The following FAM120A variants were observed in gnomAD, a reference collection of about 807,000 sequenced individuals.
The protein encoded by FAM120A is constitutive coactivator of PPAR-gamma-like protein 1.
In FAM120A, 15 loss-of-function variants were observed where a neutral mutation model predicts 109.7. The observed-to-expected ratio is 0.14, with a 90% CI of 0.09 to 0.21. The LOEUF (loss-of-function observed/expected upper bound fraction) is 0.21, where lower values mean the gene tolerates loss of function less well. FAM120A is among the 10% of genes least tolerant of loss of function. The pLI, the probability that FAM120A is intolerant of heterozygous loss-of-function variation, is 1.00. For missense variants in FAM120A, 899 were observed against 1,439.3 expected, an observed-to-expected ratio of 0.62 and a Z score of 6.07; for synonymous variants, 493 against 572.8, an observed-to-expected ratio of 0.86 and a Z score of 1.99.
intron 11 of FAM120A, among the ~76,000 whole-genome samples, chr9:93,544,260 C>T (rs1861805427): frequency 6.6e-6 from 1 of 152,200 alleles, no homozygotes; most frequent in African/African-American, 2.4e-5. Context: ...CTTTTTTGCC[C>T]TACAAGATGC....
chr9:93,475,159 T>G (rs1858495004), intron 2 of FAM120A, among the ~76,000 whole-genome samples: 1 of 152,214 alleles, frequency 6.6e-6, no homozygotes, highest in Non-Finnish European at 1.5e-5. Context: ...GAAAGTCATT[T>G]ATGTTTCATA....
At chr9:93,466,684 G>A (rs967603787) in intron 1 of FAM120A, among the ~76,000 whole-genome samples, 1 of 152,028 alleles carries the variant, frequency 6.6e-6, no homozygotes, top group African/African-American at 2.4e-5. Flanking sequence ...AAGGAGATCT[G>A]TGTGAACACC....
At chr9:93,525,590 T>C (rs1861042336) in intron 7 of FAM120A, among the ~76,000 whole-genome samples, 1 of 152,238 alleles carries the variant, frequency 6.6e-6, no homozygotes, top group African/African-American at 2.4e-5. Context: ...CAGGATTTAG[T>C]AATTTTTTGC....
chr9:93,461,732 G>A lies in FAM120A; in HGVS notation c.474+9343G>A, dbSNP rs574844600. ...GAAAAATCAAGCAGTTTTATAATTC[G>A]AACATCCCAAATCTGAAATGCTCCA... is the stretch of plus-strand genomic sequence containing the variant. On this transcript the variant is annotated intron_variant, in intron 1 of 17. Transcript: ENST00000277165. Among the ~76,000 whole-genome samples, 5 of 151,876 alleles carry A rather than the reference G, an allele frequency of 3.3e-5. No homozygotes were observed. In the East Asian group the frequency reaches 5.8e-4, roughly 18 times the overall value.
At chr9:93,524,108 TG>T (rs1308665554) in intron 7 of FAM120A, among the ~76,000 whole-genome samples, 4 of 152,258 alleles carry the variant, frequency 2.6e-5, no homozygotes, top group African/African-American at 9.6e-5. Flanking sequence ...CCTGTTGAGT[TG>T]GGGAGCAGAT....
At chr9:93,512,548 A>T (rs7860765) in intron 5 of FAM120A, among the ~76,000 whole-genome samples, 12 of 132,232 alleles carry the variant, frequency 9.1e-5, no homozygotes, top group Non-Finnish European at 1.2e-4. Context: ...TTTTTTTTTT[A>T]CCGAAAGCCC....
intron 5 of FAM120A, among the ~76,000 whole-genome samples, chr9:93,503,138 A>G (rs1237678305): frequency 6.6e-6 from 1 of 152,234 alleles, no homozygotes; most frequent in African/African-American, 2.4e-5. Context: ...ATGGGTAGCA[A>G]CAGATTGTGC....
chr9:93,544,628 T>C (rs147725965), intron 11 of FAM120A, among the ~76,000 whole-genome samples: 200 of 152,366 alleles, frequency 1.3e-3, no homozygotes, highest in African/African-American at 4.6e-3. Context: ...TAACAGTTGA[T>C]GGCATTTTAC....
intron 7 of FAM120A, among the ~76,000 whole-genome samples, chr9:93,523,103 A>G (rs904190524): frequency 1.3e-5 from 2 of 152,212 alleles, no homozygotes; most frequent in East Asian, 1.9e-4. Flanking sequence ...AGCTATCACT[A>G]CTTTTTAAAA....
intron 1 of FAM120A, among the ~76,000 whole-genome samples, chr9:93,459,430 A>C (rs1338263692): frequency 2.0e-5 from 3 of 152,086 alleles, no homozygotes; most frequent in African/African-American, 4.8e-5. Flanking sequence ...TTTAATCTTA[A>C]ATTTCTCATA....
At chr9:93,529,172 A>C (rs778375857) in intron 8 of FAM120A, among the ~76,000 whole-genome samples, 181 bp from the exon 9 acceptor site, 1 of 152,096 alleles carries the variant, frequency 6.6e-6, no homozygotes, top group Non-Finnish European at 1.5e-5. Flanking sequence ...CAAGGAGAGG[A>C]CTGGATCAGA....
In FAM120A at chr9:93,471,286, G is replaced by A. The variant is rs757664592; in HGVS notation, c.620G>A (p.Arg207Gln). 3.1e-6 allele frequency: 5 copies of A among 1,614,122 alleles called. No homozygotes were observed. Among genetic ancestry groups the A allele is most frequent in the Non-Finnish European group, 4.2e-6 (5 of 1,180,010 alleles). ...AGTGCCCATGCCCTAAAACTGAGCC[G>A]GAACGGGAAAAGTCTCACCACAAGC... ...YFSAHALKLS[R>Q]NGKSLTTSQY... is the part of the protein sequence containing the mutation. Residue 207 changes from arginine (R) to glutamine (Q), a missense_variant, in exon 2 of 18, where the codon CGG (arginine) becomes CAG (glutamine). Around this residue, in one of 11 missense-constraint regions of FAM120A, gnomAD observed 258 missense variants for 451.4 expected, o/e 0.57. Coordinates refer to ENST00000277165, the MANE Select transcript of FAM120A (RefSeq NM_014612.5).
rs745422002 is a variant in FAM120A, at chr9:93,497,609, AAAACAAAC to A, written c.933+14_933+21del. On this transcript the variant is annotated intron_variant, in intron 4 of 17. Transcript: ENST00000277165. ...TTTCCAGCATTCACAGGTAAAAAAA[AAAACAAAC>A]AAAACAAAAAAACAGATTCATGGGA... 6.6e-5 allele frequency: 105 copies of A among 1,591,256 alleles called. No homozygotes were observed. The Admixed American group carries it at 2.0e-3, about 30-fold the overall frequency.
In FAM120A at chr9:93,452,628, CACTTGAGGGCTGGGAGAGA is replaced by C. The variant is rs745836009; in HGVS notation, c.474+240_474+258del. ...TTCGGGGTCCGCGGCCGCGTGGGGA[CACTTGAGGGCTGGGAGAGA>C]GCCCCGGACCAGAATTCGGAGGCGA... On this transcript the variant is annotated intron_variant, in intron 1 of 17. Coordinates refer to ENST00000277165, the MANE Select transcript of FAM120A (RefSeq NM_014612.5). This position sits in a 1 kb window ranked among gnomAD's most constrained non-coding sequence, Gnocchi z 7.0. The C allele has an allele frequency of 6.3e-7, 1 of 1,599,238 alleles. No homozygotes were observed. The highest frequency in any genetic ancestry group is 2.2e-5 in the East Asian group (1 of 44,860).
chr9:93,539,977 A>G (rs1010804586), intron 10 of FAM120A, among the ~76,000 whole-genome samples: 4 of 152,240 alleles, frequency 2.6e-5, no homozygotes, highest in African/African-American at 9.6e-5. Context: ...TTTGTAATTA[A>G]TTTAATGTAA....
intron 3 of FAM120A, among the ~76,000 whole-genome samples, chr9:93,483,134 C>T (rs1212744552): frequency 6.6e-6 from 1 of 152,118 alleles, no homozygotes; most frequent in African/African-American, 2.4e-5. Flanking sequence ...TGACTTTCAC[C>T]TATATTGTCA....
At chr9:93,499,899 T>C (rs1859727214) in intron 5 of FAM120A, among the ~76,000 whole-genome samples, 1 of 152,238 alleles carries the variant, frequency 6.6e-6, no homozygotes, top group South Asian at 2.1e-4. Context: ...TCAAGCATAG[T>C]GTCTGCTGTA....
At chr9:93,525,347 C>T (rs926462692) in intron 7 of FAM120A, among the ~76,000 whole-genome samples, 1 of 152,024 alleles carries the variant, frequency 6.6e-6, no homozygotes, top group Admixed American at 6.6e-5. Context: ...TAACACTTGG[C>T]CTCCCCTGCC....
At chr9:93,554,320 A>G (rs1862217839) in intron 12 of FAM120A, among the ~76,000 whole-genome samples, 1 of 152,152 alleles carries the variant, frequency 6.6e-6, no homozygotes, top group South Asian at 2.1e-4. Context: ...GGTTTTGGTT[A>G]CATTAGTCTT....
Sources: gnomAD v4.1 joint callset for allele counts (sites outside exome capture counted in the v4.1 genomes callset) on GRCh38, gnomAD v4.1.1 for gene constraint, gnomAD v4.1.1 regional missense constraint, Gnocchi (gnomAD v3.1) non-coding constraint, MANE v1.5 for transcripts, NCBI Gene and HGNC (gene_info 2026-07-23, HGNC 2026-07-21) for gene names.